Variants in TLE4 observed in about 807,000 individuals in gnomAD.
TLE4 encodes TLE family member 4, transcriptional corepressor, also known as transducin-like enhancer protein 4.
A neutral mutation model predicts 92.8 loss-of-function variants in TLE4; 8 were observed. The ratio of observed to expected loss-of-function variants is 0.09; its 90% CI spans 0.05 to 0.16. TLE4 has a LOEUF of 0.16. Among genes scored for constraint, TLE4 ranks in the 10% least tolerant of loss-of-function variants. The pLI, the probability that TLE4 is intolerant of heterozygous loss-of-function variation, is 1.00. For synonymous variants in TLE4, 371 were observed against 374.1 expected (o/e 0.99, Z 0.10); for missense variants, 675 against 997.6 (o/e 0.68, Z 4.36).
At chr9:79,573,135 AGCG>A in intron 1 of TLE4, 1 of 679,068 alleles carries the variant, frequency 1.5e-6, no homozygotes, top group South Asian at 5.7e-5. Flanking sequence ...GGGGGTGGCG[AGCG>A]ATGAAGGAGG....
chr9:79,636,798 C>G (rs180838561), intron 6 of TLE4, among the ~76,000 whole-genome samples: 2 of 152,196 alleles, frequency 1.3e-5, no homozygotes, highest in African/African-American at 4.8e-5. Context: ...GCCATGAAGC[C>G]TAGAGCGATA....
intron 8 of TLE4, among the ~76,000 whole-genome samples, chr9:79,679,691 C>T (rs991758035): frequency 6.6e-6 from 1 of 152,150 alleles, no homozygotes; most frequent in African/African-American, 2.4e-5. Flanking sequence ...AATCCTTGCC[C>T]ATGCCTATGT....
At chr9:79,594,078 T>A (rs1333730957) in intron 4 of TLE4, among the ~76,000 whole-genome samples, 1 of 152,204 alleles carries the variant, frequency 6.6e-6, no homozygotes, top group Non-Finnish European at 1.5e-5. Flanking sequence ...ATCTGGGCCT[T>A]AGGCATCAGT....
At chr9:79,706,687 A>G in intron 10 of TLE4, 60 bp from the exon 11 acceptor site, 1 of 1,560,136 alleles carries the variant, frequency 6.4e-7, no homozygotes, top group Non-Finnish European at 8.7e-7. Context: ...TCCACACCCA[A>G]CAACCCCAGC....
chr9:79,632,475 G>C (rs532040144), intron 6 of TLE4, among the ~76,000 whole-genome samples: 1 of 152,008 alleles, frequency 6.6e-6, no homozygotes, highest in Non-Finnish European at 1.5e-5. Flanking sequence ...CCACTTTCCC[G>C]GCAGACACTT....
At chr9:79,573,861 A>G in intron 2 of TLE4, 75 bp downstream of exon 2, 1 of 1,071,376 alleles carries the variant, frequency 9.3e-7, no homozygotes, top group East Asian at 2.9e-5. Flanking sequence ...ACAAACACTT[A>G]CCCTCCTCCT....
intron 14 of TLE4, among the ~76,000 whole-genome samples, chr9:79,711,734 G>C (rs939983595): frequency 3.9e-5 from 6 of 152,192 alleles, no homozygotes; most frequent in African/African-American, 1.4e-4. Flanking sequence ...GTCTTGGGCT[G>C]ACTTCCCTTC....
At chr9:79,700,603 A>G (rs927193652) in intron 8 of TLE4, among the ~76,000 whole-genome samples, 1 of 152,184 alleles carries the variant, frequency 6.6e-6, no homozygotes, top group Non-Finnish European at 1.5e-5. Flanking sequence ...TACCAAAGCA[A>G]TTGGGGTTTC....
At chr9:79,689,107 CCACTT>C (rs2066491500) in intron 8 of TLE4, among the ~76,000 whole-genome samples, 1 of 152,128 alleles carries the variant, frequency 6.6e-6, no homozygotes. Context: ...CTCTTATAAG[CCACTT>C]CTCTAATTTC....
chr9:79,702,862 A>G (rs536219892), intron 8 of TLE4, among the ~76,000 whole-genome samples: 4 of 152,270 alleles, frequency 2.6e-5, no homozygotes, highest in African/African-American at 4.8e-5. Flanking sequence ...AAGACCATCA[A>G]TCTTCTTAAC....
intron 15 of TLE4, among the ~76,000 whole-genome samples, chr9:79,719,248 G>A (rs1313789278): frequency 1.3e-5 from 2 of 152,014 alleles, no homozygotes; most frequent in Non-Finnish European, 2.9e-5. Flanking sequence ...TGATGGTTAA[G>A]CAAACTAAGA....
intron 6 of TLE4, among the ~76,000 whole-genome samples, chr9:79,636,252 G>A (rs904666053): frequency 2.0e-5 from 3 of 152,124 alleles, no homozygotes; most frequent in African/African-American, 7.2e-5. Flanking sequence ...GAGCGCAAGA[G>A]TTCAAGACCA....
intron 8 of TLE4, among the ~76,000 whole-genome samples, chr9:79,670,250 A>G (rs138207637): frequency 1.5e-3 from 233 of 152,224 alleles, no homozygotes; most frequent in Non-Finnish European, 2.8e-3. Context: ...GAAGTTTATC[A>G]CCATTAACAA....
At chr9:79,638,545 C>CT (rs1025134870) in intron 6 of TLE4, among the ~76,000 whole-genome samples, 71 of 145,594 alleles carry the variant, frequency 4.9e-4, no homozygotes, top group Middle Eastern at 3.6e-3. Flanking sequence ...GATTCTCATG[C>CT]TTTTTTTTTT....
At chr9:79,662,831 G>A (rs758826971) in intron 8 of TLE4, among the ~76,000 whole-genome samples, 3 of 152,182 alleles carry the variant, frequency 2.0e-5, no homozygotes, top group African/African-American at 7.2e-5. Context: ...GGAAATGATT[G>A]TCTCCGTGTG....
At chr9:79,695,862 A>G (rs1239424952) in intron 8 of TLE4, among the ~76,000 whole-genome samples, 6 of 152,234 alleles carry the variant, frequency 3.9e-5, no homozygotes, top group Non-Finnish European at 7.3e-5. Context: ...GAGGCTCTGA[A>G]GGATGAAAAC....
At chr9:79,722,287 A>G (rs766460295) in intron 17 of TLE4, among the ~76,000 whole-genome samples, 164 bp from the exon 18 acceptor site, 1 of 152,228 alleles carries the variant, frequency 6.6e-6, no homozygotes, top group Non-Finnish European at 1.5e-5. Context: ...TTGAAGTCTC[A>G]TTACTTTGAA....
chr9:79,630,421 CTT>C (rs2053861278), intron 6 of TLE4, among the ~76,000 whole-genome samples: 1 of 152,112 alleles, frequency 6.6e-6, no homozygotes, highest in East Asian at 1.9e-4. Context: ...TATCATTTAT[CTT>C]TTATTTATAA....
intron 4 of TLE4, among the ~76,000 whole-genome samples, chr9:79,598,020 C>T (rs146246202): frequency 0.02 from 2,817 of 141,598 alleles, 96 homozygotes; most frequent in African/African-American, 0.068. Context: ...ATCACGAGGT[C>T]AGGAGATCGA....
Sources: gnomAD v4.1 joint callset for allele counts (sites outside exome capture counted in the v4.1 genomes callset) on GRCh38, gnomAD v4.1.1 for gene constraint, MANE v1.5 for transcripts, NCBI Gene and HGNC (gene_info 2026-07-23, HGNC 2026-07-21) for gene names.